The following SORBS2 variants were observed in gnomAD, a reference collection of about 807,000 sequenced individuals.
SORBS2 encodes sorbin and SH3 domain containing 2.
In SORBS2, 46 loss-of-function variants were observed where a neutral mutation model predicts 97.7. The ratio of observed to expected loss-of-function variants is 0.47; its 90% CI spans 0.37 to 0.60. SORBS2 has a LOEUF of 0.60. Ranked by LOEUF, SORBS2 falls within the 20% of genes least tolerant of loss-of-function variation. SORBS2 has a pLI of 0.00. For missense variants in SORBS2, 1,316 were observed against 1,282.3 expected, an observed-to-expected ratio of 1.03 and a Z score of -0.40; for synonymous variants, 476 against 473.4, an observed-to-expected ratio of 1.01 and a Z score of -0.07.
chr4:185,795,082 G>A (rs2099098649), intron 1 of SORBS2, among the ~76,000 whole-genome samples: 1 of 152,132 alleles, frequency 6.6e-6, no homozygotes, highest in African/African-American at 2.4e-5. Flanking sequence ...CTGAGCATGT[G>A]CACCTGACCC....
At chr4:185,722,671 A>G (rs1372072291) in intron 2 of SORBS2, among the ~76,000 whole-genome samples, 1 of 151,944 alleles carries the variant, frequency 6.6e-6, no homozygotes, top group Non-Finnish European at 1.5e-5. Flanking sequence ...CCCATAAGGA[A>G]CCTCCTCCTT....
intron 2 of SORBS2, among the ~76,000 whole-genome samples, chr4:185,753,448 T>G (rs1584173455): frequency 6.6e-6 from 1 of 152,230 alleles, no homozygotes; most frequent in African/African-American, 2.4e-5. Flanking sequence ...AAATTAAAGG[T>G]AAAATATACT....
intron 1 of SORBS2, among the ~76,000 whole-genome samples, chr4:185,905,457 G>A (rs1487402025): frequency 6.6e-6 from 1 of 152,146 alleles, no homozygotes; most frequent in Non-Finnish European, 1.5e-5. Context: ...TCTGAAAAAT[G>A]ACTCTCACTT....
chr4:185,596,571 T>C (rs570707303), intron 12 of SORBS2, among the ~76,000 whole-genome samples: 1 of 133,608 alleles, frequency 7.5e-6, no homozygotes, highest in Non-Finnish European at 1.5e-5. Flanking sequence ...AGTCTCACTC[T>C]GCCACCAGGC....
intron 2 of SORBS2, among the ~76,000 whole-genome samples, chr4:185,751,090 G>A (rs2098795888): frequency 6.7e-6 from 1 of 148,280 alleles, no homozygotes; most frequent in Non-Finnish European, 1.5e-5. Context: ...TTTAAACAAG[G>A]GCTCAACAAA....
rs77974371 is a variant in SORBS2 at position 185,684,900 on chromosome 4, C to A, written c.-197-6078G>T. ...GCCAAGGCAACGGGAAAAGCACGTG[C>A]AATATCATGCGTTTTAAGAGAAATG... On this transcript the variant is annotated intron_variant, in intron 2 of 20. Coordinates refer to the SORBS2 transcript ENST00000284776. This position sits in a 1 kb window ranked among gnomAD's most constrained non-coding sequence, Gnocchi z 4.2. The A allele has an allele frequency of 2.6e-3, 3,438 of 1,300,394 alleles. 15 individuals carry two copies. Among genetic ancestry groups the A allele is most frequent in the Non-Finnish European group, 2.5e-3 (2,320 of 920,566 alleles). The allele number at this position is 1,300,394 out of a possible 1,614,324, so 80.6% of individuals were successfully genotyped here.
chr4:185,801,258 A>T (rs562287703), intron 1 of SORBS2, among the ~76,000 whole-genome samples: 1 of 152,120 alleles, frequency 6.6e-6, no homozygotes, highest in Non-Finnish European at 1.5e-5. Context: ...TATACACCAC[A>T]TTTTCTTTAT....
chr4:185,711,005 C>CAAAA (rs1430933682), intron 2 of SORBS2, among the ~76,000 whole-genome samples: 19 of 152,026 alleles, frequency 1.2e-4, no homozygotes, highest in Admixed American at 1.2e-3. Context: ...GGTCTCTCTC[C>CAAAA]ATTGCCCAGG....
chr4:185,823,784 TTC>T (rs1344304300), intron 1 of SORBS2, among the ~76,000 whole-genome samples: 1 of 152,172 alleles, frequency 6.6e-6, no homozygotes, highest in Non-Finnish European at 1.5e-5. Context: ...TGTGTAATTT[TTC>T]TGTGGTCTTT....
At chr4:185,830,663 T>G (rs888058109) in intron 1 of SORBS2, among the ~76,000 whole-genome samples, 1 of 152,188 alleles carries the variant, frequency 6.6e-6, no homozygotes, top group Non-Finnish European at 1.5e-5. Context: ...GCTTCTTTTT[T>G]CAAGTGTAAC....
intron 5 of SORBS2, among the ~76,000 whole-genome samples, chr4:185,628,538 G>A (rs983945236): frequency 1.3e-5 from 2 of 152,176 alleles, no homozygotes; most frequent in Non-Finnish European, 2.9e-5. Context: ...GATGGCTCAA[G>A]GTCAGGAGTT....
rs74412262 is a variant in SORBS2, at chr4:185,871,264, C to T, written c.-338+84932G>A. 3.3e-5 allele frequency among the ~76,000 whole-genome samples: 5 copies of T among 152,174 alleles called. No homozygotes were observed. In the South Asian group the frequency reaches 8.3e-4, roughly 25 times the overall value. ...TTAACAGTGTATTTCAAAATATTCA[C>T]GTTTCCGAGAATACCGAGGACATGA... On this transcript the variant is annotated intron_variant, in intron 1 of 20. Coordinates refer to the SORBS2 transcript ENST00000284776.
chr4:185,642,027 C>T (rs890719625), intron 4 of SORBS2, among the ~76,000 whole-genome samples: 4 of 152,104 alleles, frequency 2.6e-5, no homozygotes, highest in African/African-American at 9.7e-5. Flanking sequence ...AAAGAAGTGC[C>T]AGGGCTATTT....
intron 4 of SORBS2, among the ~76,000 whole-genome samples, chr4:185,666,973 A>C (rs2097615172): frequency 6.6e-6 from 1 of 152,224 alleles, no homozygotes; most frequent in African/African-American, 2.4e-5. Flanking sequence ...GAGGCTAAAC[A>C]TAGCGAAGGG....
At chr4:185,810,065 A>G (rs778464759) in intron 1 of SORBS2, among the ~76,000 whole-genome samples, 1 of 152,238 alleles carries the variant, frequency 6.6e-6, no homozygotes, top group Non-Finnish European at 1.5e-5. Flanking sequence ...TGGACTCAGA[A>G]CTAAGTCTGT....
intron 11 of SORBS2, 164 bp downstream of exon 23, chr4:185,614,667 G>A (rs1448569658): frequency 5.1e-6 from 4 of 787,498 alleles, no homozygotes; most frequent in South Asian, 2.0e-5. Flanking sequence ...GCAGGGAACC[G>A]TGACTCTGGG....
At chr4:185,719,683 C>T (rs549049504) in intron 2 of SORBS2, among the ~76,000 whole-genome samples, 5 of 152,302 alleles carry the variant, frequency 3.3e-5, no homozygotes, top group Admixed American at 2.0e-4. Context: ...AGAAATCTTC[C>T]TTCAATTGTT....
At chr4:185,765,881 CTATTA>C (rs2098931655) in intron 2 of SORBS2, among the ~76,000 whole-genome samples, 1 of 152,176 alleles carries the variant, frequency 6.6e-6, no homozygotes, top group African/African-American at 2.4e-5. Context: ...AGCCAGTCTT[CTATTA>C]TATCAATACA....
At chr4:185,670,940 G>A (rs183884414) in intron 4 of SORBS2, among the ~76,000 whole-genome samples, 18 of 152,224 alleles carry the variant, frequency 1.2e-4, no homozygotes, top group African/African-American at 3.9e-4. Context: ...GGTAGCTGTC[G>A]GGTACCCAAA....
Sources: allele counts gnomAD v4.1 joint callset (sites outside exome capture counted in the v4.1 genomes callset), GRCh38; gene constraint gnomAD v4.1.1; non-coding constraint Gnocchi (gnomAD v3.1); transcripts MANE v1.5; gene names NCBI Gene and HGNC (gene_info 2026-07-23, HGNC 2026-07-21).